Variants in CSTPP1 observed in about 807,000 individuals in gnomAD.
The protein encoded by CSTPP1 is centriolar satellite-associated tubulin polyglutamylase complex regulator 1.
At chr11:46,994,551 T>C in the CSTPP1 span, among the ~76,000 whole-genome samples, 1 of 152,226 alleles carries the variant, frequency 6.6e-6, no homozygotes, top group Non-Finnish European at 1.5e-5. Flanking sequence ...TTTTTGTCTT[T>C]GGTTCTGTTT....
At chr11:46,995,255 T>A in the CSTPP1 span, among the ~76,000 whole-genome samples, 1 of 151,782 alleles carries the variant, frequency 6.6e-6, no homozygotes, top group African/African-American at 2.4e-5. Context: ...TTTTTGAAAG[T>A]TTTTTTGTGT....
At chr11:46,965,042 TG>T in the CSTPP1 span, among the ~76,000 whole-genome samples, 12 of 152,066 alleles carry the variant, frequency 7.9e-5, no homozygotes, top group South Asian at 2.1e-4. Context: ...ATTTTAAGAC[TG>T]GGGGGGTCGA....
the CSTPP1 span, among the ~76,000 whole-genome samples, chr11:47,072,039 A>G: frequency 6.6e-6 from 1 of 152,200 alleles, no homozygotes; most frequent in Admixed American, 6.5e-5. Context: ...TGAGTTATTT[A>G]CTAAGATGAA....
the CSTPP1 span, among the ~76,000 whole-genome samples, chr11:47,088,273 A>T: frequency 3.9e-5 from 6 of 152,258 alleles, no homozygotes; most frequent in Admixed American, 2.0e-4. Flanking sequence ...TGCCTAGCAC[A>T]TAAGTGCTCC....
chr11:47,120,933 T>C, the CSTPP1 span, among the ~76,000 whole-genome samples: 1 of 152,248 alleles, frequency 6.6e-6, no homozygotes, highest in Admixed American at 6.5e-5. The surrounding 1 kb of genome is among the most constrained non-coding windows in gnomAD (Gnocchi z 4.2). Context: ...TACTATTTTA[T>C]AGTTTAAATT....
At chr11:46,987,424 T>C in the CSTPP1 span, 1 of 921,852 alleles carries the variant, frequency 1.1e-6, no homozygotes, top group Non-Finnish European at 1.7e-6. Context: ...GCAGTGAATG[T>C]TTAGTTTTGG....
chr11:47,122,094 ATATATATAT>A, the CSTPP1 span, among the ~76,000 whole-genome samples: 14 of 100,778 alleles, frequency 1.4e-4, no homozygotes, highest in African/African-American at 5.3e-4. Context: ...AAAAAAAAAT[ATATATATAT>A]ATATATATAT....
chr11:46,957,667 T>C, the CSTPP1 span, among the ~76,000 whole-genome samples: 202 of 152,274 alleles, frequency 1.3e-3, no homozygotes, highest in Non-Finnish European at 2.1e-3. Flanking sequence ...TGTATATCAG[T>C]TCTGAGAAGT....
At chr11:46,974,992 GA>G in the CSTPP1 span, among the ~76,000 whole-genome samples, 17 of 149,050 alleles carry the variant, frequency 1.1e-4, 2 homozygotes, top group East Asian at 4.0e-4. Context: ...TTAAAATAAA[GA>G]AAAAAAAGTC....
the CSTPP1 span, among the ~76,000 whole-genome samples, chr11:46,957,729 C>G: frequency 6.6e-6 from 1 of 152,146 alleles, no homozygotes; most frequent in Non-Finnish European, 1.5e-5. Context: ...ATCTCTGGAA[C>G]TGTTGTTACT....
the CSTPP1 span, among the ~76,000 whole-genome samples, chr11:47,061,967 C>CTTA: frequency 6.6e-6 from 1 of 151,936 alleles, no homozygotes; most frequent in African/African-American, 2.4e-5. Flanking sequence ...CGCAAGCATT[C>CTTA]CTGGAATGCT....
the CSTPP1 span, chr11:47,158,028 C>T: frequency 1.0e-6 from 1 of 987,922 alleles, no homozygotes; most frequent in Non-Finnish European, 1.6e-6. Context: ...ATCACCATCT[C>T]TGCCTTGACT....
At chr11:47,065,738 G>GATT in the CSTPP1 span, among the ~76,000 whole-genome samples, 2 of 151,206 alleles carry the variant, frequency 1.3e-5, no homozygotes, top group South Asian at 4.2e-4. Context: ...AAATATAATT[G>GATT]ATTATTATTA....
At chr11:47,139,671 CAAAA>C in the CSTPP1 span, among the ~76,000 whole-genome samples, 1 of 119,126 alleles carries the variant, frequency 8.4e-6, no homozygotes. Context: ...GACTGAACGT[CAAAA>C]AAAAAAAAAA....
chr11:46,936,700 C>T, the CSTPP1 span: 2 of 1,529,834 alleles, frequency 1.3e-6, no homozygotes, highest in Non-Finnish European at 1.8e-6. Context: ...CCTCCTCCAG[C>T]TCCCGTCCCC....
chr11:47,101,387 C>T, the CSTPP1 span, among the ~76,000 whole-genome samples: 2 of 151,232 alleles, frequency 1.3e-5, no homozygotes, highest in African/African-American at 4.9e-5. Flanking sequence ...GACTTGCCAA[C>T]CTCTAATTCT....
the CSTPP1 span, among the ~76,000 whole-genome samples, chr11:47,101,694 C>T: frequency 6.6e-6 from 1 of 152,128 alleles, no homozygotes; most frequent in South Asian, 2.1e-4. Context: ...GAACAATAGC[C>T]CGAGTTCTCT....
the CSTPP1 span, among the ~76,000 whole-genome samples, chr11:47,089,976 C>T: frequency 7.9e-5 from 12 of 151,918 alleles, no homozygotes; most frequent in African/African-American, 2.7e-4. Flanking sequence ...TGGCTTTATA[C>T]GTCTTTTTGT....
the CSTPP1 span, among the ~76,000 whole-genome samples, chr11:47,043,272 G>C: frequency 6.6e-6 from 1 of 152,162 alleles, no homozygotes; most frequent in Non-Finnish European, 1.5e-5. Context: ...AGCCAGGTGC[G>C]GTGGTGCACA....
Sources: gnomAD v4.1 joint callset for allele counts (sites outside exome capture counted in the v4.1 genomes callset) on GRCh38, gnomAD v4.1.1 for gene constraint, Gnocchi (gnomAD v3.1) non-coding constraint, MANE v1.5 for transcripts, NCBI Gene and HGNC (gene_info 2026-07-23, HGNC 2026-07-21) for gene names.